TRPC5OS: variants seen among roughly 807,000 people sequenced by gnomAD.
The protein encoded by TRPC5OS is putative uncharacterized protein TRPC5OS.
For missense variants in TRPC5OS, 64 were observed against 79.3 expected (o/e 0.81, Z 0.73); for synonymous variants, 30 against 29.3 (o/e 1.02, Z -0.08).
chrX:111,901,957 A>T lies in TRPC5OS; in HGVS notation c.108A>T (p.Glu36Asp), dbSNP rs1925368196. ...ELLQFILQVQ[E>D]VPYVEENGRA... The stretch of plus-strand genomic sequence containing the variant: ...TACAATTCATTCTACAAGTACAAGA[A>T]GTTCCTTATGTAGAAGAAAATGGTA... Residue 36 changes from glutamate (E) to aspartate (D), a missense_variant, in exon 4 of 4, where the codon GAA becomes GAT. Physicochemically the swap from Glu to Asp is conservative, Grantham distance 45. Coordinates refer to ENST00000635763, the MANE Select transcript of TRPC5OS (RefSeq NM_001195578.2). 1 of 1,153,350 alleles carries T rather than the reference A, an allele frequency of 8.7e-7. No homozygotes were observed. Among genetic ancestry groups the T allele is most frequent in the African/African-American group, 1.8e-5 (1 of 55,701 alleles).
At chrX:111,879,498 C>T (rs1243518088) in intron 1 of TRPC5OS, among the ~76,000 whole-genome samples, 1 of 112,292 alleles carries the variant, frequency 8.9e-6, no homozygotes, top group African/African-American at 3.2e-5. Flanking sequence ...CTTGAATCTT[C>T]TTACTGCCCT....
intron 3 of TRPC5OS, among the ~76,000 whole-genome samples, chrX:111,897,041 C>A (rs1013573799): frequency 4.5e-5 from 5 of 111,975 alleles, no homozygotes; most frequent in Non-Finnish European, 9.4e-5. Flanking sequence ...TTGTTTAGTG[C>A]ACAACATTAT....
chrX:111,889,885 T>C (rs977414155), intron 1 of TRPC5OS, among the ~76,000 whole-genome samples: 4 of 111,565 alleles, frequency 3.6e-5, no homozygotes, highest in South Asian at 7.6e-4. Context: ...TCAGCTAGGC[T>C]TTTTGTATCT....
Position 111,902,054 on chromosome X carries a change from G to A in TRPC5OS, c.205G>A (p.Asp69Asn). ...GCTACCTGATCTCCCTGATCTCTCA[G>A]ACTTAGACTCAATACTTACACCAAG... ...PSLPDLPDLS[D>N]LDSILTPRED... Residue 69 changes from aspartate to asparagine, a missense_variant, in exon 4 of 4, where the codon GAC (aspartate) becomes AAC (asparagine). By Grantham distance (23) the Asp-to-Asn change is conservative. Coordinates refer to ENST00000635763, the MANE Select transcript of TRPC5OS (RefSeq NM_001195578.2). The A allele has an allele frequency of 8.7e-7, 1 of 1,155,389 alleles. No individual in the cohort carries two copies. The highest frequency in any genetic ancestry group is 1.1e-6 in the Non-Finnish European group (1 of 872,597).
In TRPC5OS at chrX:111,894,762, TAAATTGCGC is replaced by T. The variant is rs764767901; in HGVS notation, c.-545-1183_-545-1175del. Among the ~76,000 whole-genome samples, 27 of 111,974 alleles carry T rather than the reference TAAATTGCGC, an allele frequency of 2.4e-4. No homozygotes were observed. In the East Asian group the frequency reaches 7.0e-3, roughly 29 times the overall value. ...TTTTTGAGGTATGGCATGCATATAG[TAAATTGCGC>T]AAATTTTAAGGGTGCATATCAATGC... On this transcript the variant is annotated intron_variant, in intron 1 of 3. Coordinates refer to ENST00000635763, the MANE Select transcript of TRPC5OS (RefSeq NM_001195578.2).
At chrX:111,895,756 C>G (rs1925033127) in intron 1 of TRPC5OS, among the ~76,000 whole-genome samples, 195 bp from the exon 2 acceptor site, 1 of 111,558 alleles carries the variant, frequency 9.0e-6, no homozygotes. Context: ...CTTAATTTCT[C>G]TAGCTCTGTA....
At chrX:111,894,662 ACT>A (rs1265300896) in intron 1 of TRPC5OS, among the ~76,000 whole-genome samples, 1 of 111,150 alleles carries the variant, frequency 9.0e-6, no homozygotes, top group African/African-American at 3.3e-5. Flanking sequence ...TCCTGGTAAG[ACT>A]CTTATCACTG....
At position 111,886,165 on chromosome X, in the gene TRPC5OS, A is replaced by G. The variant is rs772153267; in HGVS notation, c.-545-9786A>G. Among the ~76,000 whole-genome samples the G allele has an allele frequency of 3.6e-5, 4 of 111,995 alleles. No homozygotes were observed. The South Asian group carries it at 1.5e-3, about 43-fold the overall frequency. On this transcript the variant is annotated intron_variant, in intron 1 of 3. Transcript: ENST00000635763. ...CATGGTGGTGGGCGCCTGTAATCCC[A>G]GCTACTCAGGAGGCTGAGGCAGGAG...
At chrX:111,897,138 C>T (rs1925105038) in intron 3 of TRPC5OS, among the ~76,000 whole-genome samples, 2 of 111,328 alleles carry the variant, frequency 1.8e-5, no homozygotes, top group African/African-American at 6.5e-5. Flanking sequence ...ACTTGGGTCC[C>T]ATTCCTAAGA....
chrX:111,883,517 C>T (rs1376398194), intron 1 of TRPC5OS, among the ~76,000 whole-genome samples: 3 of 112,774 alleles, frequency 2.7e-5, no homozygotes, highest in African/African-American at 9.6e-5. Context: ...TAAGACCTAG[C>T]TAGAGCCTAA....
chrX:111,890,932 C>A (rs1924775862), intron 1 of TRPC5OS, among the ~76,000 whole-genome samples: 1 of 111,226 alleles, frequency 9.0e-6, no homozygotes, highest in African/African-American at 3.3e-5. Flanking sequence ...CATGTGTTTT[C>A]ACCATTTAGC....
At chrX:111,889,691 C>T (rs1248852728) in intron 1 of TRPC5OS, among the ~76,000 whole-genome samples, 6 of 111,480 alleles carry the variant, frequency 5.4e-5, no homozygotes, top group Non-Finnish European at 7.5e-5. Flanking sequence ...AAGTTCATGG[C>T]CAAGGGTAAA....
intron 1 of TRPC5OS, among the ~76,000 whole-genome samples, chrX:111,894,917 G>A (rs191481909): frequency 5.4e-5 from 6 of 110,435 alleles, no homozygotes; most frequent in Admixed American, 1.9e-4. Context: ...CTTTGTTCCC[G>A]TAGATTTGTG....
In TRPC5OS at chrX:111,901,646, G is replaced by A. The variant is rs138876552; in HGVS notation, c.-204G>A. 2.1e-5 allele frequency: 7 copies of A among 328,462 alleles called. No individual in the cohort carries two copies. Among genetic ancestry groups the A allele is most frequent in the Admixed American group, 5.5e-5 (1 of 18,136 alleles). The allele number at this position is 328,462 out of a possible 1,213,427, so 27.1% of individuals were successfully genotyped here. A position where few individuals can be genotyped will look rare whatever the true frequency, so the allele number is the denominator to read the frequency against. ...AGTACCATACATAAATTCTGTGCGCGGTTTACCAACATCATCAAAAAGTTA... is the reference window on the plus strand; with the variant it reads ...AGTACCATACATAAATTCTGTGCGCAGTTTACCAACATCATCAAAAAGTTA... On this transcript the variant is annotated 5_prime_UTR_variant, in exon 4 of 4. Coordinates refer to ENST00000635763, the MANE Select transcript of TRPC5OS (RefSeq NM_001195578.2).
At position 111,896,466 on chromosome X, in the gene TRPC5OS, A is replaced by G. The variant is rs1302068145; in HGVS notation, c.-340A>G. 3.6e-5 allele frequency: 4 copies of G among 109,707 alleles called. No individual in the cohort carries two copies. The highest frequency in any genetic ancestry group is 1.3e-4 in the African/African-American group (4 of 30,070). 9.0% of individuals were successfully genotyped at this position (109,707 alleles called of 1,213,427 possible). The stretch of plus-strand genomic sequence containing the variant: ...AAATTGTTTAATAGGCCGAGCCTTG[A>G]TATCCGCATCCCTCTCAGCTCTATC... On this transcript the variant is annotated 5_prime_UTR_variant, in exon 3 of 4. Transcript: ENST00000635763.
chrX:111,879,997 C>T (rs1266661566), intron 1 of TRPC5OS, among the ~76,000 whole-genome samples: 5 of 111,432 alleles, frequency 4.5e-5, no homozygotes, highest in Non-Finnish European at 9.4e-5. Context: ...AAATGACTTT[C>T]TCAGAATGAC....
At chrX:111,896,534 C>T (rs903787316) in intron 3 of TRPC5OS, 39 bp downstream of exon 3, 6 of 110,578 alleles carry the variant, frequency 5.4e-5, no homozygotes, top group African/African-American at 2.0e-4. Flanking sequence ...TTCAGTAGGT[C>T]AGTGGAAAGA....
At chrX:111,899,806 T>G (rs780614597) in intron 3 of TRPC5OS, among the ~76,000 whole-genome samples, 7 of 111,784 alleles carry the variant, frequency 6.3e-5, no homozygotes, top group South Asian at 7.5e-4. Flanking sequence ...TCTCTCCATA[T>G]TTTCTTACAT....
In TRPC5OS at chrX:111,893,446, G is replaced by A. The variant is rs977205045; in HGVS notation, c.-545-2505G>A. ...GAGTGTCTATTCTCATGTTTGAACA[G>A]TGTTTTGAGGAAACACTGTATCTGT... On this transcript the variant is annotated intron_variant, in intron 1 of 3. Transcript: ENST00000635763. Among the ~76,000 whole-genome samples the A allele has an allele frequency of 9.8e-5, 11 of 111,677 alleles. No individual in the cohort carries two copies. The Admixed American group carries it at 1.1e-3, about 11-fold the overall frequency.
Sources: allele counts gnomAD v4.1 joint callset (sites outside exome capture counted in the v4.1 genomes callset), GRCh38; gene constraint gnomAD v4.1.1; transcripts MANE v1.5; gene names NCBI Gene and HGNC (gene_info 2026-07-23, HGNC 2026-07-21).